PGBD4: variants seen among roughly 807,000 people sequenced by gnomAD.
The protein encoded by PGBD4 is piggyBac transposable element derived 4, also known as piggyBac transposable element-derived protein 4.
Under a neutral mutation model 0.3 loss-of-function variants are expected in PGBD4, and 1 was observed. That is an observed-to-expected ratio of 3.72 (90% CI 1.32 to 17.64). The LOEUF (loss-of-function observed/expected upper bound fraction) is 17.64, where lower values mean the gene tolerates loss of function less well. PGBD4 is among the 30% of genes most tolerant of loss of function. The pLI is 0.11. For synonymous variants in PGBD4, 253 were observed against 267.7 expected, an observed-to-expected ratio of 0.95 and a Z score of 0.54; for missense variants, 624 against 719.7, an observed-to-expected ratio of 0.87 and a Z score of 1.52.
chr15:34,103,695 T>C lies in PGBD4; in HGVS notation c.1164T>C (p.Cys388=). ...FCGELMALKW[C]DGKEVTMLST... is the part of the protein sequence containing the mutation. ...GTGAACTTATGGCACTGAAATGGTG[T>C]GACGGCAAGGAGGTGACAATGTTGT... Residue 388 remains cysteine, a synonymous_variant, in exon 1 of 1, where the codon TGT becomes TGC. Transcript: ENST00000397766. This position sits in a 1 kb window ranked among gnomAD's most constrained non-coding sequence, Gnocchi z 4.6. 6.2e-7 allele frequency: 1 copy of C among 1,614,204 alleles called. No individual in the cohort carries two copies. Among genetic ancestry groups the C allele is most frequent in the Middle Eastern group, 1.6e-4 (1 of 6,062 alleles).
Position 34,107,006 on chromosome 15 carries a change from C to CAT in PGBD4, c.*2724_*2725dup, listed in dbSNP as rs1887771709. The CAT allele has an allele frequency of 7.3e-6, 1 of 136,088 alleles. No individual in the cohort carries two copies. The highest frequency in any genetic ancestry group is 2.2e-4 in the East Asian group (1 of 4,498). 8.4% of individuals were successfully genotyped at this position (136,088 alleles called of 1,614,324 possible). A position where few individuals can be genotyped will look rare whatever the true frequency, so the allele number is the denominator to read the frequency against. On this transcript the variant is annotated 3_prime_UTR_variant, in exon 1 of 1. Transcript: ENST00000397766. ...AGACAAAAAAACAAATCCATATATACATATATATGTATATATATAGTATGC... is the reference window on the plus strand; with the variant it reads ...AGACAAAAAAACAAATCCATATATACATATATATATGTATATATATAGTATGC...
At position 34,107,154 on chromosome 15, in the gene PGBD4, T is replaced by A. The variant is rs778221693; in HGVS notation, c.*2865T>A. The A allele has an allele frequency of 4.6e-5, 7 of 151,774 alleles. No individual in the cohort carries two copies. Among genetic ancestry groups the A allele is most frequent in the Admixed American group, 2.0e-4 (3 of 15,210 alleles). 9.4% of individuals were successfully genotyped at this position (151,774 alleles called of 1,614,324 possible). A position where few individuals can be genotyped will look rare whatever the true frequency, so the allele number is the denominator to read the frequency against. On this transcript the variant is annotated 3_prime_UTR_variant, in exon 1 of 1. Coordinates refer to ENST00000397766, the MANE Select transcript of PGBD4 (RefSeq NM_152595.5). ...ATATAATAATGTATTACCTAACATA[T>A]GATTATATATAACTATAATGTGTAC...
Position 34,102,679 on chromosome 15 carries a change from A to G in PGBD4, c.148A>G (p.Lys50Glu). ...NFSDSALEAD[K>E]IRPLSHLESD... is the part of the protein sequence containing the mutation. The stretch of plus-strand genomic sequence containing the variant: ...TTCGGATAGTGCTTTAGAAGCCGAT[A>G]AGATCAGGCCTCTGTCCCATTTAGA... Residue 50 changes from lysine to glutamate, a missense_variant, in exon 1 of 1, where the codon AAG becomes GAG. Lys to Glu is a moderately conservative substitution (Grantham distance 56). Transcript: ENST00000397766. The surrounding 1 kb of genome is among the most constrained non-coding windows in gnomAD (Gnocchi z 4.7). 2 of 1,614,194 alleles carry G rather than the reference A, an allele frequency of 1.2e-6. No individual in the cohort carries two copies. The highest frequency in any genetic ancestry group is 1.3e-5 in the African/African-American group (1 of 75,042).
Position 34,105,603 on chromosome 15 carries a change from C to A in PGBD4, c.*1314C>A, listed in dbSNP as rs1197287995. ...GCAGTACTGGGGTACTTGCCTTCAT[C>A]TTTTTTCTGAAGATAGTTACTTCTT... On this transcript the variant is annotated 3_prime_UTR_variant, in exon 1 of 1. Transcript: ENST00000397766. The A allele has an allele frequency of 6.0e-6, 1 of 166,980 alleles. No individual in the cohort carries two copies. The highest frequency in any genetic ancestry group is 2.4e-5 in the African/African-American group (1 of 41,416). 10.3% of individuals were successfully genotyped at this position (166,980 alleles called of 1,614,324 possible).
chr15:34,102,448 C>T lies in PGBD4; in HGVS notation c.-84C>T. 1 of 1,435,150 alleles carries T rather than the reference C, an allele frequency of 7.0e-7. No homozygotes were observed. Among genetic ancestry groups the T allele is most frequent in the African/African-American group, 1.4e-5 (1 of 69,712 alleles). The allele number at this position is 1,435,150 out of a possible 1,614,324, so 88.9% of individuals were successfully genotyped here. A position where few individuals can be genotyped will look rare whatever the true frequency, so the allele number is the denominator to read the frequency against. ...GGTTCTGGTATATTGACTTTTGAAA[C>T]AAAAGACATCATTCTGTTTATAGCA... is the stretch of plus-strand genomic sequence containing the variant. On this transcript the variant is annotated 5_prime_UTR_variant, in exon 1 of 1. Coordinates refer to ENST00000397766, the MANE Select transcript of PGBD4 (RefSeq NM_152595.5). This position sits in a 1 kb window ranked among gnomAD's most constrained non-coding sequence, Gnocchi z 4.7.
At position 34,104,383 on chromosome 15, in the gene PGBD4, A is replaced by T; in HGVS notation, c.*94A>T. ...ATTGGGAGGCCGACCTGGGTGGATC[A>T]CCTGAGATCAGGAATTCAAGACCAG... On this transcript the variant is annotated 3_prime_UTR_variant, in exon 1 of 1. Transcript: ENST00000397766. The T allele has an allele frequency of 7.4e-7, 1 of 1,360,522 alleles. No homozygotes were observed. Among genetic ancestry groups the T allele is most frequent in the Non-Finnish European group, 9.9e-7 (1 of 1,009,976 alleles). The allele number at this position is 1,360,522 out of a possible 1,614,324, so 84.3% of individuals were successfully genotyped here.
At position 34,105,615 on chromosome 15, in the gene PGBD4, G is replaced by C. The variant is rs1483172425; in HGVS notation, c.*1326G>C. 1 of 166,894 alleles carries C rather than the reference G, an allele frequency of 6.0e-6. No homozygotes were observed. Among genetic ancestry groups the C allele is most frequent in the Non-Finnish European group, 1.5e-5 (1 of 68,122 alleles). The allele number at this position is 166,894 out of a possible 1,614,324, so 10.3% of individuals were successfully genotyped here. The stretch of plus-strand genomic sequence containing the variant: ...TACTTGCCTTCATCTTTTTTCTGAA[G>C]ATAGTTACTTCTTCATATTTGATCA... On this transcript the variant is annotated 3_prime_UTR_variant, in exon 1 of 1. Transcript: ENST00000397766.
Position 34,103,733 on chromosome 15 carries a change from A to G in PGBD4, c.1202A>G (p.Asn401Ser). The change falls in exon 1 of 1, where the codon AAT becomes AGT. Residue 401 changes from asparagine (N) to serine (S), a missense_variant. Transcript: ENST00000397766. The surrounding 1 kb of genome is among the most constrained non-coding windows in gnomAD (Gnocchi z 4.6). Reference protein sequence around the residue: ...KEVTMLSTFHNDTVIEVNNRN... With the variant: ...KEVTMLSTFHSDTVIEVNNRN... ...GTGACAATGTTGTCAACATTCCACA[A>G]TGATACTGTGATTGAAGTAAACAAT... 6.2e-7 allele frequency: 1 copy of G among 1,614,228 alleles called. No individual in the cohort carries two copies. Among genetic ancestry groups the G allele is most frequent in the Non-Finnish European group, 8.5e-7 (1 of 1,180,042 alleles).
Position 34,103,800 on chromosome 15 carries a change from T to G in PGBD4, c.1269T>G (p.Asp423Glu), listed in dbSNP as rs1410079275. The change falls in exon 1 of 1, where the codon GAT (aspartate) becomes GAG (glutamate). Residue 423 changes from aspartate (D) to glutamate (E), a missense_variant. Asp to Glu is a conservative substitution (Grantham distance 45). Transcript: ENST00000397766. This position sits in a 1 kb window ranked among gnomAD's most constrained non-coding sequence, Gnocchi z 4.6. The stretch of plus-strand genomic sequence containing the variant: ...CTAAAAGGCCACGTGTCATTGTGGA[T>G]TATAACGAGAATATGGGAGCAGTGG... Reference protein sequence around the residue: ...KKTKRPRVIVDYNENMGAVDS... With the variant: ...KKTKRPRVIVEYNENMGAVDS... The G allele has an allele frequency of 1.9e-6, 3 of 1,614,012 alleles. No homozygotes were observed. The African/African-American group carries it at 4.0e-5, about 22-fold the overall frequency.
chr15:34,103,402 G>A lies in PGBD4; in HGVS notation c.871G>A (p.Ala291Thr). Residue 291 changes from alanine (A) to threonine (T), a missense_variant, in exon 1 of 1, where the codon GCG (alanine) becomes ACG (threonine). Coordinates refer to ENST00000397766, the MANE Select transcript of PGBD4 (RefSeq NM_152595.5). The surrounding 1 kb of genome is among the most constrained non-coding windows in gnomAD (Gnocchi z 4.6). ...AAGTCAGTCTGGTTATGTGTGGAAT[G>A]CGCTTGTTCACACAGGGCCTGGCAT... ...CESQSGYVWNALVHTGPGMNL... is the reference protein window; with the variant it reads ...CESQSGYVWNTLVHTGPGMNL... The A allele has an allele frequency of 6.2e-7, 1 of 1,614,220 alleles. No individual in the cohort carries two copies. The highest frequency in any genetic ancestry group is 8.5e-7 in the Non-Finnish European group (1 of 1,180,036).
chr15:34,104,535 G>A lies in PGBD4; in HGVS notation c.*246G>A, dbSNP rs62014728. ...GGAGAATTGCTTGAACCCATGAGGC[G>A]GAGGTTGCAGTGAGCTGAGATCACA... On this transcript the variant is annotated 3_prime_UTR_variant, in exon 1 of 1. Coordinates refer to ENST00000397766, the MANE Select transcript of PGBD4 (RefSeq NM_152595.5). 42,240 of 501,870 alleles carry A rather than the reference G, an allele frequency of 0.084. 2,670 individuals are homozygous for A. The highest frequency in any genetic ancestry group is 0.29 in the East Asian group (8,151 of 28,130). The allele number at this position is 501,870 out of a possible 1,614,324, so 31.1% of individuals were successfully genotyped here. A position where few individuals can be genotyped will look rare whatever the true frequency, so the allele number is the denominator to read the frequency against.
Position 34,103,619 on chromosome 15 carries a change from ATGATCTG to A in PGBD4, c.1089_1095del (p.Asn363LysfsTer11). 1 of 1,614,216 alleles carries A rather than the reference ATGATCTG, an allele frequency of 6.2e-7. No individual in the cohort carries two copies. Among genetic ancestry groups the A allele is most frequent in the South Asian group, 1.1e-5 (1 of 91,092 alleles). ...CGTTTGAACAGAAAACAGATTCCAA[ATGATCTG>A]AAAAAAAGGATTGCAAAGGGGACGA... On this transcript the variant is annotated frameshift_variant, in exon 1 of 1. Coordinates refer to ENST00000397766, the MANE Select transcript of PGBD4 (RefSeq NM_152595.5). LOFTEE classifies it low-confidence loss of function (END_TRUNC). The surrounding 1 kb of genome is among the most constrained non-coding windows in gnomAD (Gnocchi z 4.6).
At position 34,105,546 on chromosome 15, in the gene PGBD4, C is replaced by T. The variant is rs1204754341; in HGVS notation, c.*1257C>T. On this transcript the variant is annotated 3_prime_UTR_variant, in exon 1 of 1. Transcript: ENST00000397766. ...TGGGGACATGATGCCCAGAGCCACC[C>T]CTATACTCCAGTCTCCCTGGCATCA... 6.0e-6 allele frequency: 1 copy of T among 167,050 alleles called. No homozygotes were observed. The highest frequency in any genetic ancestry group is 1.5e-5 in the Non-Finnish European group (1 of 68,122). The allele number at this position is 167,050 out of a possible 1,614,324, so 10.3% of individuals were successfully genotyped here.
rs956552271 is a variant in PGBD4 at position 34,103,782 on chromosome 15, G to A, written c.1251G>A (p.Arg417=). Residue 417 remains arginine (R), a synonymous_variant, in exon 1 of 1, where the codon AGG becomes AGA. Coordinates refer to ENST00000397766, the MANE Select transcript of PGBD4 (RefSeq NM_152595.5). This position sits in a 1 kb window ranked among gnomAD's most constrained non-coding sequence, Gnocchi z 4.6. ...ATAGAAATGGAAAGAAAACTAAAAG[G>A]CCACGTGTCATTGTGGATTATAACG... The part of the protein sequence containing the change: ...VNNRNGKKTK[R]PRVIVDYNEN... 2 of 1,614,118 alleles carry A rather than the reference G, an allele frequency of 1.2e-6. No individual in the cohort carries two copies. Among genetic ancestry groups the A allele is most frequent in the African/African-American group, 2.7e-5 (2 of 75,006 alleles).
Position 34,103,308 on chromosome 15 carries a change from A to G in PGBD4, c.777A>G (p.Pro259=), listed in dbSNP as rs751973731. The change falls in exon 1 of 1, where the codon CCA becomes CCG. Residue 259 remains proline (P), a synonymous_variant. Coordinates refer to ENST00000397766, the MANE Select transcript of PGBD4 (RefSeq NM_152595.5). The surrounding 1 kb of genome is among the most constrained non-coding windows in gnomAD (Gnocchi z 4.6). The stretch of plus-strand genomic sequence containing the variant: ...AATCACTGATGCTGTTCAAGGGGCC[A>G]TTAGCTATGAAGCAGTACCTCCCGA... ...VDESLMLFKG[P]LAMKQYLPTK... The G allele has an allele frequency of 6.2e-7, 1 of 1,614,230 alleles. No individual in the cohort carries two copies. Among genetic ancestry groups the G allele is most frequent in the Admixed American group, 1.7e-5 (1 of 60,026 alleles).
chr15:34,102,743 G>T lies in PGBD4; in HGVS notation c.212G>T (p.Arg71Leu), dbSNP rs1358772160. ...GKSSTSSDSGRSMKWSARAMI... is the reference protein window; with the variant it reads ...GKSSTSSDSGLSMKWSARAMI... The stretch of plus-strand genomic sequence containing the variant: ...AGCTCTACATCAAGTGACTCAGGGC[G>T]CTCCATGAAATGGTCAGCTCGTGCT... The change falls in exon 1 of 1, where the codon CGC becomes CTC. Residue 71 changes from arginine (R) to leucine (L), a missense_variant. Coordinates refer to ENST00000397766, the MANE Select transcript of PGBD4 (RefSeq NM_152595.5). The surrounding 1 kb of genome is among the most constrained non-coding windows in gnomAD (Gnocchi z 4.7). 3.1e-6 allele frequency: 5 copies of T among 1,613,964 alleles called. No individual in the cohort carries two copies. The highest frequency in any genetic ancestry group is 1.7e-5 in the Admixed American group (1 of 59,976).
chr15:34,103,796 T>C lies in PGBD4; in HGVS notation c.1265T>C (p.Val422Ala). Residue 422 changes from valine (V) to alanine (A), a missense_variant, in exon 1 of 1, where the codon GTG (valine) becomes GCG (alanine). By Grantham distance (64) the Val-to-Ala change is moderately conservative (BLOSUM62 0). Transcript: ENST00000397766. This position sits in a 1 kb window ranked among gnomAD's most constrained non-coding sequence, Gnocchi z 4.6. ...GKKTKRPRVI[V>A]DYNENMGAVD... Reference sequence around the variant, plus strand: ...AAAACTAAAAGGCCACGTGTCATTGTGGATTATAACGAGAATATGGGAGCA... The same window carrying C: ...AAAACTAAAAGGCCACGTGTCATTGCGGATTATAACGAGAATATGGGAGCA... 1.9e-6 allele frequency: 3 copies of C among 1,614,200 alleles called. No homozygotes were observed. The highest frequency in any genetic ancestry group is 2.5e-6 in the Non-Finnish European group (3 of 1,180,030).
At position 34,103,320 on chromosome 15, in the gene PGBD4, G is replaced by A; in HGVS notation, c.789G>A (p.Lys263=). 6.2e-7 allele frequency: 1 copy of A among 1,614,192 alleles called. No homozygotes were observed. The highest frequency in any genetic ancestry group is 8.5e-7 in the Non-Finnish European group (1 of 1,180,038). Residue 263 remains lysine, a synonymous_variant, in exon 1 of 1, where the codon AAG becomes AAA. Transcript: ENST00000397766. This position sits in a 1 kb window ranked among gnomAD's most constrained non-coding sequence, Gnocchi z 4.6. ...LMLFKGPLAM[K]QYLPTKRVRF... The stretch of plus-strand genomic sequence containing the variant: ...TGTTCAAGGGGCCATTAGCTATGAA[G>A]CAGTACCTCCCGACAAAACGAGTAC...
Sources: allele counts gnomAD v4.1 joint callset, GRCh38; gene constraint gnomAD v4.1.1; non-coding constraint Gnocchi (gnomAD v3.1); transcripts MANE v1.5; gene names NCBI Gene and HGNC (gene_info 2026-07-23, HGNC 2026-07-21).